USH2A: variants seen among roughly 807,000 people sequenced by gnomAD.
USH2A encodes Usher syndrome 2A (autosomal recessive, mild).
USH2A carries 443 observed loss-of-function variants against 538.9 expected under a neutral mutation model. The ratio of observed to expected loss-of-function variants is 0.82; its 90% CI spans 0.76 to 0.89. USH2A has a LOEUF of 0.89. Among genes scored for constraint, USH2A ranks in the 40% least tolerant of loss-of-function variants. USH2A has a pLI of 0.00. For synonymous variants in USH2A, 2,413 were observed against 2,273.5 expected (o/e 1.06, Z -1.75); for missense variants, 6,633 against 6,324.8 (o/e 1.05, Z -1.65).
intron 46 of USH2A, among the ~76,000 whole-genome samples, chr1:215,841,612 T>C (rs1204249923): frequency 1.3e-5 from 2 of 152,194 alleles, no homozygotes; most frequent in East Asian, 1.9e-4. Flanking sequence ...ACCCAGGCAA[T>C]ACCATTCAGG....
At chr1:216,169,720 C>T (rs1292185551) in intron 21 of USH2A, among the ~76,000 whole-genome samples, 2 of 152,084 alleles carry the variant, frequency 1.3e-5, no homozygotes, top group Non-Finnish European at 2.9e-5. Flanking sequence ...AGAGTTTTGT[C>T]ACTGCCTGAG....
At chr1:216,153,033 G>A (rs562194481) in intron 21 of USH2A, among the ~76,000 whole-genome samples, 68 of 152,184 alleles carry the variant, frequency 4.5e-4, no homozygotes, top group Non-Finnish European at 7.2e-4. Flanking sequence ...GAGATTGGCC[G>A]CCGGATGCCC....
At chr1:216,128,183 T>C (rs1423523236) in intron 21 of USH2A, among the ~76,000 whole-genome samples, 1 of 152,168 alleles carries the variant, frequency 6.6e-6, no homozygotes, top group African/African-American at 2.4e-5. Flanking sequence ...GATAATATTA[T>C]ATAGTTAAAA....
At chr1:216,062,606 A>T (rs1474907302) in intron 30 of USH2A, among the ~76,000 whole-genome samples, 1 of 152,134 alleles carries the variant, frequency 6.6e-6, no homozygotes, top group East Asian at 1.9e-4. Context: ...TAATATAAAT[A>T]AGGTTTTCAT....
At chr1:216,144,840 C>G (rs559418496) in intron 21 of USH2A, among the ~76,000 whole-genome samples, 1 of 152,280 alleles carries the variant, frequency 6.6e-6, no homozygotes, top group East Asian at 1.9e-4. Flanking sequence ...AACCCTGAGT[C>G]CCTTAGTCCA....
At chr1:215,856,001 A>T (rs1853811) in intron 44 of USH2A, among the ~76,000 whole-genome samples, 1 of 152,092 alleles carries the variant, frequency 6.6e-6, no homozygotes, top group Non-Finnish European at 1.5e-5. Flanking sequence ...GAATGAAACT[A>T]GATCCTCATC....
At chr1:216,179,083 G>A (rs1161985541) in intron 20 of USH2A, among the ~76,000 whole-genome samples, 1 of 152,000 alleles carries the variant, frequency 6.6e-6, no homozygotes, top group African/African-American at 2.4e-5. Context: ...TTTGAAAGTT[G>A]ATACATCTCT....
chr1:216,104,936 A>G (rs138617113), intron 21 of USH2A, among the ~76,000 whole-genome samples: 5,574 of 152,224 alleles, frequency 0.037, 338 homozygotes, highest in African/African-American at 0.12. Flanking sequence ...ACAAAGGGCT[A>G]ATATCCAGAA....
At chr1:216,196,853 T>C (rs2034858660) in intron 18 of USH2A, 131 bp from the exon 19 acceptor site, 1 of 1,087,442 alleles carries the variant, frequency 9.2e-7, no homozygotes, top group Non-Finnish European at 1.3e-6. Flanking sequence ...TTTGAAAAAG[T>C]CCAAGAATAT....
intron 44 of USH2A, among the ~76,000 whole-genome samples, chr1:215,853,265 G>A (rs549255898): frequency 6.6e-6 from 1 of 152,332 alleles, no homozygotes; most frequent in East Asian, 1.9e-4. Flanking sequence ...CTGAAGCCGT[G>A]GCCCAAGCTC....
intron 49 of USH2A, among the ~76,000 whole-genome samples, chr1:215,803,478 A>G (rs903187371): frequency 6.6e-6 from 1 of 152,206 alleles, no homozygotes; most frequent in Non-Finnish European, 1.5e-5. Context: ...AAGCATTCTT[A>G]TACACCAATA....
chr1:216,165,636 C>T (rs944290189), intron 21 of USH2A, among the ~76,000 whole-genome samples: 14 of 152,122 alleles, frequency 9.2e-5, no homozygotes, highest in African/African-American at 3.4e-4. Flanking sequence ...ATAATTCTTA[C>T]AGCTAAGTGA....
intron 70 of USH2A, among the ~76,000 whole-genome samples, chr1:215,632,962 T>C (rs1347034107): frequency 6.6e-6 from 1 of 152,184 alleles, no homozygotes; most frequent in Non-Finnish European, 1.5e-5. Flanking sequence ...GGCACCGTTC[T>C]GGGTCCCGGG....
Position 215,674,547 on chromosome 1 carries a change from G to A in USH2A, c.13364C>T (p.Thr4455Ile), listed in dbSNP as rs373152283. 35 of 1,614,138 alleles carry A rather than the reference G, an allele frequency of 2.2e-5. No individual in the cohort carries two copies. The highest frequency in any genetic ancestry group is 3.3e-4 in the Middle Eastern group (2 of 6,062). The change falls in exon 63 of 72, where the codon ACA becomes ATA. Residue 4455 changes from threonine (T) to isoleucine (I), a missense_variant. Physicochemically the swap from Thr to Ile is moderately conservative, Grantham distance 89. Transcript: ENST00000307340. ...ENMDSPTLQV[T>I]GSESIEITWK... ...GGTGATTTCTATTGATTCTGAGCCTGTGACTTGCAATGTTGGAGAGTCCAT... is the reference window on the plus strand; with the variant it reads ...GGTGATTTCTATTGATTCTGAGCCTATGACTTGCAATGTTGGAGAGTCCAT...
intron 21 of USH2A, among the ~76,000 whole-genome samples, chr1:216,160,506 T>C (rs1373075866): frequency 2.0e-5 from 3 of 152,108 alleles, no homozygotes; most frequent in Non-Finnish European, 4.4e-5. Flanking sequence ...CAGTGGCTCA[T>C]CACATCTGTA....
At chr1:215,824,589 T>A (rs1036015706) in intron 47 of USH2A, among the ~76,000 whole-genome samples, 1 of 152,092 alleles carries the variant, frequency 6.6e-6, no homozygotes, top group East Asian at 1.9e-4. Context: ...CCACTCTGAT[T>A]TGGCATCTCC....
At chr1:216,041,534 C>T (rs1441597361) in intron 32 of USH2A, among the ~76,000 whole-genome samples, 1 of 151,954 alleles carries the variant, frequency 6.6e-6, no homozygotes, top group Non-Finnish European at 1.5e-5. Context: ...AGGGAAACTA[C>T]AAGTAAATGA....
chr1:216,388,799 T>C (rs1558066657), intron 3 of USH2A, among the ~76,000 whole-genome samples: 1 of 152,218 alleles, frequency 6.6e-6, no homozygotes, highest in Non-Finnish European at 1.5e-5. Flanking sequence ...CTGAAGCTCT[T>C]GACAAGGAAG....
intron 21 of USH2A, among the ~76,000 whole-genome samples, chr1:216,098,508 T>TG (rs1470818979): frequency 1.3e-5 from 2 of 152,034 alleles, no homozygotes; most frequent in Non-Finnish European, 2.9e-5. Context: ...CATAGGTGGG[T>TG]GGTGGTTAAC....
Sources: allele counts gnomAD v4.1 joint callset (sites outside exome capture counted in the v4.1 genomes callset), GRCh38; gene constraint gnomAD v4.1.1; transcripts MANE v1.5; gene names NCBI Gene and HGNC (gene_info 2026-07-23, HGNC 2026-07-21).